MARCHF5: variants seen among roughly 807,000 people sequenced by gnomAD.
MARCHF5 encodes the protein membrane associated ring-CH-type finger 5.
A neutral mutation model predicts 36.5 loss-of-function variants in MARCHF5; 5 were observed. The ratio of observed to expected loss-of-function variants is 0.14; its 90% CI spans 0.07 to 0.29. The LOEUF is 0.29. MARCHF5 is among the 10% of genes least tolerant of loss of function. The probability of loss-of-function intolerance (pLI) is 1.00; values close to 1 mark genes in which losing one functional copy is unlikely to be tolerated. For synonymous variants in MARCHF5, 103 were observed against 109.9 expected (o/e 0.94, Z 0.39); for missense variants, 179 against 336.3 (o/e 0.53, Z 3.66).
chr10:92,345,550 A>G (rs1216403611), intron 3 of MARCHF5, among the ~76,000 whole-genome samples: 1 of 152,116 alleles, frequency 6.6e-6, no homozygotes, highest in Non-Finnish European at 1.5e-5. Context: ...ACCTTAATTA[A>G]AACTGTTAGC....
At chr10:92,324,728 G>A (rs1295015645) in intron 2 of MARCHF5, among the ~76,000 whole-genome samples, 1 of 151,810 alleles carries the variant, frequency 6.6e-6, no homozygotes, top group Non-Finnish European at 1.5e-5. Flanking sequence ...AATTTTTCTT[G>A]TGATTTCTTC....
At chr10:92,342,156 AC>A (rs968132684) in intron 3 of MARCHF5, among the ~76,000 whole-genome samples, 2 of 136,588 alleles carry the variant, frequency 1.5e-5, no homozygotes, top group Non-Finnish European at 3.1e-5. Flanking sequence ...CTCCCCACAA[AC>A]CGCCCCCCGA....
chr10:92,314,094 C>T (rs889440086), intron 2 of MARCHF5, among the ~76,000 whole-genome samples: 1 of 151,986 alleles, frequency 6.6e-6, no homozygotes, highest in African/African-American at 2.4e-5. Context: ...TGTTGTAAGT[C>T]CTAGCTACTC....
At chr10:92,293,189 C>T (rs1405378462) in intron 1 of MARCHF5, among the ~76,000 whole-genome samples, 1 of 151,914 alleles carries the variant, frequency 6.6e-6, no homozygotes, top group Non-Finnish European at 1.5e-5. Flanking sequence ...CACTGCAACC[C>T]CCGCCTCCCA....
chr10:92,322,082 T>TA, intron 2 of MARCHF5, among the ~76,000 whole-genome samples: 1 of 151,216 alleles, frequency 6.6e-6, no homozygotes, highest in East Asian at 2.0e-4. Flanking sequence ...CCGTCTCTAC[T>TA]AAAAATATAA....
chr10:92,293,473 A>G (rs939902417), intron 1 of MARCHF5, among the ~76,000 whole-genome samples: 1 of 152,052 alleles, frequency 6.6e-6, no homozygotes, highest in African/African-American at 2.4e-5. Context: ...CATAAAAGTA[A>G]GAAGCCAAAG....
At chr10:92,308,959 C>T (rs1796895220) in intron 1 of MARCHF5, among the ~76,000 whole-genome samples, 1 of 152,154 alleles carries the variant, frequency 6.6e-6, no homozygotes, top group South Asian at 2.1e-4. Flanking sequence ...CCCGCTTCAG[C>T]CTCCCAAAGT....
At chr10:92,332,223 T>G (rs1843444634) in intron 2 of MARCHF5, among the ~76,000 whole-genome samples, 1 of 151,874 alleles carries the variant, frequency 6.6e-6, no homozygotes, top group East Asian at 1.9e-4. Context: ...TATATATAAT[T>G]AACTTAGTTA....
intron 1 of MARCHF5, among the ~76,000 whole-genome samples, chr10:92,297,238 C>G (rs1165607448): frequency 6.6e-6 from 1 of 150,610 alleles, no homozygotes; most frequent in African/African-American, 2.4e-5. Context: ...ACAGTCACGG[C>G]TCACTACAGC....
chr10:92,317,997 C>T (rs562192088), intron 2 of MARCHF5, among the ~76,000 whole-genome samples: 302 of 152,178 alleles, frequency 2.0e-3, no homozygotes, highest in Non-Finnish European at 3.3e-3. Flanking sequence ...GTGATCCACC[C>T]GCCTAAGCCT....
At chr10:92,328,814 TATATATA>T (rs1289841285) in intron 2 of MARCHF5, among the ~76,000 whole-genome samples, 1 of 68,770 alleles carries the variant, frequency 1.5e-5, no homozygotes, top group African/African-American at 3.8e-5. Context: ...TATATATATA[TATATATA>T]TTTTTTTTTT....
intron 2 of MARCHF5, among the ~76,000 whole-genome samples, chr10:92,321,708 T>C (rs1008227602): frequency 6.6e-6 from 1 of 152,126 alleles, no homozygotes; most frequent in African/African-American, 2.4e-5. Context: ...TAATTACTAA[T>C]TCAATCTCAT....
chr10:92,347,495 TAGATAGA>T lies in MARCHF5; in HGVS notation c.370-1853_370-1847del, dbSNP rs769582689. Among the ~76,000 whole-genome samples the T allele has an allele frequency of 2.4e-3, 197 of 83,262 alleles. 4 individuals are homozygous for T. Among genetic ancestry groups the T allele is most frequent in the Non-Finnish European group, 9.7e-4 (37 of 38,086 alleles). 54.6% of individuals were successfully genotyped at this position (83,262 alleles called of 152,430 possible). On this transcript the variant is annotated intron_variant, in intron 3 of 5. Coordinates refer to ENST00000358935, the MANE Select transcript of MARCHF5 (RefSeq NM_017824.5). Reference sequence around the variant, plus strand: ...ATAGATAGATAGATAGATAGATAGATAGATAGATAGATAGATAGATAGATAGATGATA... The same window carrying T: ...ATAGATAGATAGATAGATAGATAGATTAGATAGATAGATAGATAGATGATA...
intron 1 of MARCHF5, among the ~76,000 whole-genome samples, chr10:92,295,218 A>G (rs1842933208): frequency 6.6e-6 from 1 of 151,454 alleles, no homozygotes; most frequent in Non-Finnish European, 1.5e-5. Flanking sequence ...GTGTTGTCTA[A>G]ACTGTCAAAG....
rs758977587 is a variant in MARCHF5, at chr10:92,349,794, T to G, written c.677T>G (p.Leu226Trp). 6.2e-7 allele frequency: 1 copy of G among 1,614,026 alleles called. No individual in the cohort carries two copies. Among genetic ancestry groups the G allele is most frequent in the Non-Finnish European group, 8.5e-7 (1 of 1,179,854 alleles). ...FPTIATIVGKLMFSSVNSNLQ... is the reference protein window; with the variant it reads ...FPTIATIVGKWMFSSVNSNLQ... Reference sequence around the variant, plus strand: ...ACTATTGCTACAATAGTTGGTAAATTGATGTTCAGTAGTGTTAACTCTAAT... The same window carrying G: ...ACTATTGCTACAATAGTTGGTAAATGGATGTTCAGTAGTGTTAACTCTAAT... Residue 226 changes from leucine to tryptophan, a missense_variant, in exon 5 of 6, where the codon TTG becomes TGG. This residue lies in a region of MARCHF5 where 95 missense variants were observed against 139.5 expected (regional missense o/e 0.68). Coordinates refer to ENST00000358935, the MANE Select transcript of MARCHF5 (RefSeq NM_017824.5).
intron 2 of MARCHF5, among the ~76,000 whole-genome samples, chr10:92,314,830 C>T (rs1251320957): frequency 6.7e-6 from 1 of 149,228 alleles, no homozygotes; most frequent in African/African-American, 2.5e-5. Context: ...ATCCACCTAC[C>T]TTGGCCTCCC....
At chr10:92,349,263 G>T in intron 3 of MARCHF5, 86 bp from the exon 4 acceptor site, 1 of 982,402 alleles carries the variant, frequency 1.0e-6, no homozygotes, top group Non-Finnish European at 1.5e-6. Context: ...TTGAAATTAA[G>T]CATTTTCTAT....
chr10:92,347,983 G>C (rs187837656), intron 3 of MARCHF5, among the ~76,000 whole-genome samples: 370 of 151,956 alleles, frequency 2.4e-3, no homozygotes, highest in Non-Finnish European at 4.2e-3. Flanking sequence ...AGGAGTTCGA[G>C]ATCAGCCTGA....
chr10:92,305,937 A>T (rs1479664401), intron 1 of MARCHF5, among the ~76,000 whole-genome samples: 1 of 152,184 alleles, frequency 6.6e-6, no homozygotes, highest in Non-Finnish European at 1.5e-5. Flanking sequence ...CTCAAAAATA[A>T]TAAAAACTCT....
Sources: gnomAD v4.1 joint callset for allele counts (sites outside exome capture counted in the v4.1 genomes callset) on GRCh38, gnomAD v4.1.1 for gene constraint, gnomAD v4.1.1 regional missense constraint, MANE v1.5 for transcripts, NCBI Gene and HGNC (gene_info 2026-07-23, HGNC 2026-07-21) for gene names.